LGALS8: variants seen among roughly 807,000 people sequenced by gnomAD.
LGALS8 encodes the protein galectin 8.
A neutral mutation model predicts 35.9 loss-of-function variants in LGALS8; 30 were observed. That is an observed-to-expected ratio of 0.83 (90% CI 0.62 to 1.13). The LOEUF (loss-of-function observed/expected upper bound fraction) is 1.13. LGALS8 is among the 50% of genes most tolerant of loss of function. LGALS8 has a pLI of 0.00. For synonymous variants in LGALS8, 138 were observed against 136.1 expected (o/e 1.01, Z -0.10); for missense variants, 366 against 388.7 (o/e 0.94, Z 0.49).
At chr1:236,546,404 G>T (rs1662366430) in intron 9 of LGALS8, among the ~76,000 whole-genome samples, 1 of 152,182 alleles carries the variant, frequency 6.6e-6, no homozygotes, top group Non-Finnish European at 1.5e-5. Context: ...ATTATCTCAG[G>T]TCTTTCCATT....
At chr1:236,525,906 T>G in intron 1 of LGALS8, 62 bp from the exon 2 acceptor site, 1 of 497,240 alleles carries the variant, frequency 2.0e-6, no homozygotes, top group Non-Finnish European at 3.6e-6. Flanking sequence ...AATTTTAAAA[T>G]AGGATATGAA....
chr1:236,524,929 A>G (rs1236379373), intron 1 of LGALS8, among the ~76,000 whole-genome samples: 4 of 152,134 alleles, frequency 2.6e-5, no homozygotes, highest in Admixed American at 2.6e-4. Flanking sequence ...ATCGGTGTGT[A>G]TTGTTGGTGT....
upstream of LGALS8, chr1:236,523,690 C>G (rs933482585): frequency 1.2e-5 from 2 of 169,924 alleles, no homozygotes; most frequent in African/African-American, 4.8e-5. Context: ...CCCCACTCCG[C>G]CTTCCGGGCA....
chr1:236,548,572 TCTTCTGTGCG>T lies in LGALS8; in HGVS notation c.*414_*423del, dbSNP rs1020230025. On this transcript the variant is annotated 3_prime_UTR_variant, in exon 10 of 10. Transcript: ENST00000366584. ...GTTCCCTGTTCTCTTGAGCTTCGAC[TCTTCTGTGCG>T]CTACTGCTGCGCACTGCTTTTTCTA... 5 of 262,448 alleles carry T rather than the reference TCTTCTGTGCG, an allele frequency of 1.9e-5. No individual in the cohort carries two copies. Among genetic ancestry groups the T allele is most frequent in the Non-Finnish European group, 3.6e-5 (5 of 140,408 alleles). The allele number at this position is 262,448 out of a possible 1,614,324, so 16.3% of individuals were successfully genotyped here. A position where few individuals can be genotyped will look rare whatever the true frequency, so the allele number is the denominator to read the frequency against.
intron 2 of LGALS8, among the ~76,000 whole-genome samples, chr1:236,531,218 G>A (rs1661122404): frequency 6.6e-6 from 1 of 152,128 alleles, no homozygotes; most frequent in Admixed American, 6.6e-5. Flanking sequence ...CCTTGTGTGT[G>A]CATCTTGGTG....
At position 236,548,029 on chromosome 1, in the gene LGALS8, T is replaced by C. The variant is rs767075061; in HGVS notation, c.822T>C (p.Asp274=). The C allele has an allele frequency of 1.2e-6, 2 of 1,610,758 alleles. No individual in the cohort carries two copies. Among genetic ancestry groups the C allele is most frequent in the Non-Finnish European group, 1.7e-6 (2 of 1,177,070 alleles). ...CCTTTCAGATGATAATTTATTGTGA[T>C]GTTAGAGAATTCAAGGTTGCAGTAA... is the stretch of plus-strand genomic sequence containing the variant. ...GMYFEMIIYC[D]VREFKVAVNG... is the part of the protein sequence containing the mutation. Residue 274 remains aspartate (D), a synonymous_variant, in exon 10 of 10, where the codon GAT becomes GAC. Transcript: ENST00000366584.
At chr1:236,521,721 A>G (rs1660554802), upstream of LGALS8, among the ~76,000 whole-genome samples, 1 of 151,894 alleles carries the variant, frequency 6.6e-6, no homozygotes, top group Admixed American at 6.6e-5. Context: ...CCAGCTACTC[A>G]GGAGGCTGAG....
At chr1:236,528,546 AT>A (rs61261486) in intron 2 of LGALS8, among the ~76,000 whole-genome samples, 13 of 104,234 alleles carry the variant, frequency 1.2e-4, no homozygotes, top group African/African-American at 4.8e-4. Flanking sequence ...AATGTTTCCA[AT>A]TTTTTTTTTT....
At chr1:236,530,504 C>G (rs192454140) in intron 2 of LGALS8, among the ~76,000 whole-genome samples, 1 of 151,912 alleles carries the variant, frequency 6.6e-6, no homozygotes, top group East Asian at 1.9e-4. Flanking sequence ...ATGTCTTTAC[C>G]GATCACTCAT....
At position 236,549,182 on chromosome 1, in the gene LGALS8, A is replaced by G. The variant is rs746162309; in HGVS notation, c.*1021A>G. 2 of 393,186 alleles carry G rather than the reference A, an allele frequency of 5.1e-6. No individual in the cohort carries two copies. Among genetic ancestry groups the G allele is most frequent in the South Asian group, 1.4e-4 (1 of 6,982 alleles). The allele number at this position is 393,186 out of a possible 1,614,324, so 24.4% of individuals were successfully genotyped here. ...CACCAATCAAGGCCTCCGTTCTTCTAAAGATTAGTCCATCATCATTAGCAA... is the reference window on the plus strand; with the variant it reads ...CACCAATCAAGGCCTCCGTTCTTCTGAAGATTAGTCCATCATCATTAGCAA... On this transcript the variant is annotated 3_prime_UTR_variant, in exon 10 of 10. Transcript: ENST00000366584.
At chr1:236,543,266 T>C in intron 7 of LGALS8, 2 of 635,416 alleles carry the variant, frequency 3.1e-6, no homozygotes, top group Non-Finnish European at 5.6e-6. Flanking sequence ...AACACAGTAC[T>C]GCCTCAGACC....
chr1:236,545,163 C>A, intron 9 of LGALS8: 1 of 293,746 alleles, frequency 3.4e-6, no homozygotes, highest in Non-Finnish European at 6.4e-6. Context: ...CCTGTGTAGC[C>A]CCATATTGAT....
chr1:236,521,099 A>G (rs1660537581), upstream of LGALS8, among the ~76,000 whole-genome samples: 1 of 152,256 alleles, frequency 6.6e-6, no homozygotes, highest in South Asian at 2.1e-4. Flanking sequence ...CCTCGAAACA[A>G]GAACAATCAA....
upstream of LGALS8, among the ~76,000 whole-genome samples, chr1:236,519,065 C>CTA (rs1005020169): frequency 6.6e-6 from 1 of 151,888 alleles, no homozygotes; most frequent in Non-Finnish European, 1.5e-5. Flanking sequence ...AATGTGGGCT[C>CTA]TATATATATA....
In LGALS8 at chr1:236,538,924, C is replaced by T. The variant is rs774252904; in HGVS notation, c.180C>T (p.Ala60=). 11 of 1,613,476 alleles carry T rather than the reference C, an allele frequency of 6.8e-6. 1 individual carries two copies. The highest frequency in any genetic ancestry group is 4.4e-5 in the South Asian group (4 of 91,048). ...ATGGCAGCAGCATGAAACCTCGAGC[C>T]GATGTGGCCTTTCATTTCAATCCTC... ...LQNGSSMKPR[A]DVAFHFNPRF... The change falls in exon 4 of 10, where the codon GCC becomes GCT. Residue 60 remains alanine, a synonymous_variant. Coordinates refer to ENST00000366584, the MANE Select transcript of LGALS8 (RefSeq NM_201544.4).
At position 236,552,875 on chromosome 1, in the gene LGALS8, C is replaced by CTA; in HGVS notation, c.*4715_*4716dup. On this transcript the variant is annotated 3_prime_UTR_variant, in exon 10 of 10. Coordinates refer to ENST00000366584, the MANE Select transcript of LGALS8 (RefSeq NM_201544.4). ...AAATATTACAATAAATTTGATACTG[C>CTA]TACTTGTATAAAAACCTATGGTTTA... is the stretch of plus-strand genomic sequence containing the variant. 1.3e-5 allele frequency: 2 copies of CTA among 152,306 alleles called. No homozygotes were observed. The highest frequency in any genetic ancestry group is 3.9e-4 in the East Asian group (2 of 5,192). 9.4% of individuals were successfully genotyped at this position (152,306 alleles called of 1,614,324 possible).
In LGALS8 at chr1:236,540,804, T is replaced by G. The variant is rs1661943709; in HGVS notation, c.465+121T>G. The G allele has an allele frequency of 3.7e-6, 4 of 1,081,748 alleles. No individual in the cohort carries two copies. Among genetic ancestry groups the G allele is most frequent in the Non-Finnish European group, 5.2e-6 (4 of 772,776 alleles). The allele number at this position is 1,081,748 out of a possible 1,614,324, so 67.0% of individuals were successfully genotyped here. A position where few individuals can be genotyped will look rare whatever the true frequency, so the allele number is the denominator to read the frequency against. ...AGGACGTATCTCCCTGACTGTAGTATTAATTTTTTGGAAGTGAACTGTTCA... is the reference window on the plus strand; with the variant it reads ...AGGACGTATCTCCCTGACTGTAGTAGTAATTTTTTGGAAGTGAACTGTTCA... On this transcript the variant is annotated intron_variant, in intron 5 of 9. Transcript: ENST00000366584.
At chr1:236,542,902 T>G (rs1662099408) in intron 7 of LGALS8, 115 bp downstream of exon 7, 2 of 1,614,184 alleles carry the variant, frequency 1.2e-6, no homozygotes, top group African/African-American at 2.7e-5. Flanking sequence ...ACTGTAGAAC[T>G]GTTTCCCTAC....
intron 2 of LGALS8, among the ~76,000 whole-genome samples, chr1:236,535,035 T>C (rs1558159680): frequency 8.7e-6 from 1 of 115,476 alleles, no homozygotes; most frequent in African/African-American, 3.5e-5. Flanking sequence ...CACTCTAGCC[T>C]GGGGGACAGA....
Sources: gnomAD v4.1 joint callset for allele counts (sites outside exome capture counted in the v4.1 genomes callset) on GRCh38, gnomAD v4.1.1 for gene constraint, MANE v1.5 for transcripts, NCBI Gene and HGNC (gene_info 2026-07-23, HGNC 2026-07-21) for gene names.